The following ITPR3 variants were observed in gnomAD, a reference collection of about 807,000 sequenced individuals.
ITPR3 encodes inositol 1,4,5-trisphosphate-gated calcium channel ITPR3.
ITPR3 carries 173 observed loss-of-function variants against 293.2 expected under a neutral mutation model. That is an observed-to-expected ratio of 0.59 (90% CI 0.52 to 0.67). The LOEUF is 0.67. Among genes scored for constraint, ITPR3 ranks in the 30% least tolerant of loss-of-function variants. The probability of loss-of-function intolerance (pLI) is 0.00; values close to 1 mark genes in which losing one functional copy is unlikely to be tolerated. For synonymous variants in ITPR3, 1,295 were observed against 1,444.4 expected (o/e 0.90, Z 2.35); for missense variants, 2,796 against 3,592.1 (o/e 0.78, Z 5.66).
At chr6:33,677,405 C>A in intron 27 of ITPR3, 99 bp from the exon 28 acceptor site, 1 of 1,540,652 alleles carries the variant, frequency 6.5e-7, no homozygotes, top group Non-Finnish European at 8.8e-7. Context: ...CTTCCCCCTT[C>A]CTGTCCCGGG....
At chr6:33,652,201 G>A (rs1348195732) in intron 2 of ITPR3, among the ~76,000 whole-genome samples, 1 of 152,108 alleles carries the variant, frequency 6.6e-6, no homozygotes, top group Non-Finnish European at 1.5e-5. Context: ...CCCACCTCCT[G>A]CTCTTTCCTC....
At position 33,685,419 on chromosome 6, in the gene ITPR3, C is replaced by T; in HGVS notation, c.5368C>T (p.His1790Tyr). The change falls in exon 40 of 58, where the codon CAC becomes TAC. Residue 1790 changes from histidine to tyrosine, a missense_variant. Physicochemically the swap from His to Tyr is moderately conservative, Grantham distance 83. Transcript: ENST00000605930. ...GTCAGAGCGCTTCTTCAAGGTGCTGCACGACCGCATGAAGCGGGCCCAGCA... is the reference window on the plus strand; with the variant it reads ...GTCAGAGCGCTTCTTCAAGGTGCTGTACGACCGCATGAAGCGGGCCCAGCA... Reference protein sequence around the residue: ...KKSERFFKVLHDRMKRAQQET... With the variant: ...KKSERFFKVLYDRMKRAQQET... 4.3e-6 allele frequency: 7 copies of T among 1,614,160 alleles called. No homozygotes were observed. Among genetic ancestry groups the T allele is most frequent in the Non-Finnish European group, 5.9e-6 (7 of 1,180,012 alleles).
Position 33,667,257 on chromosome 6 carries a change from G to T in ITPR3, c.1680G>T (p.Leu560Phe). The T allele has an allele frequency of 6.2e-7, 1 of 1,613,246 alleles. No homozygotes were observed. The highest frequency in any genetic ancestry group is 8.5e-7 in the Non-Finnish European group (1 of 1,179,940). The change falls in exon 15 of 58, where the codon TTG (leucine) becomes TTT (phenylalanine). Residue 560 changes from leucine (L) to phenylalanine (F), a missense_variant. This residue lies in a region of ITPR3 where 955 missense variants were observed against 1,180.8 expected (regional missense o/e 0.81). Transcript: ENST00000605930. The surrounding 1 kb of genome is among the most constrained non-coding windows in gnomAD (Gnocchi z 4.4). ...TGTTCCGCCTGTGCTACCGCGTGTT[G>T]CGGCATTCCCAGGAGGACTACCGCA... ...QHMFRLCYRVLRHSQEDYRKN... is the reference protein window; with the variant it reads ...QHMFRLCYRVFRHSQEDYRKN...
Position 33,686,467 on chromosome 6 carries a change from A to G in ITPR3, c.5927A>G (p.Asn1976Ser). The change falls in exon 43 of 58, where the codon AAT becomes AGT. Residue 1976 changes from asparagine to serine, a missense_variant. Physicochemically the swap from Asn to Ser is conservative, Grantham distance 46. Coordinates refer to ENST00000605930, the MANE Select transcript of ITPR3 (RefSeq NM_002224.4). ...GIDIITALIL[N>S]DISPLCKYRM... The stretch of plus-strand genomic sequence containing the variant: ...GACATCATCACCGCACTGATCCTCA[A>G]TGACATCAGCCCCCTGTGCAAGTAC... 6 of 1,614,204 alleles carry G rather than the reference A, an allele frequency of 3.7e-6. No homozygotes were observed. Among genetic ancestry groups the G allele is most frequent in the Non-Finnish European group, 5.1e-6 (6 of 1,180,030 alleles).
chr6:33,658,922 T>C lies in ITPR3; in HGVS notation c.528+94T>C. 6.2e-7 allele frequency: 1 copy of C among 1,600,014 alleles called. No individual in the cohort carries two copies. The highest frequency in any genetic ancestry group is 8.5e-7 in the Non-Finnish European group (1 of 1,169,662). On this transcript the variant is annotated intron_variant, in intron 5 of 57. Transcript: ENST00000605930. The surrounding 1 kb of genome is among the most constrained non-coding windows in gnomAD (Gnocchi z 6.1). Reference sequence around the variant, plus strand: ...TGGGGACTGGATAAGGGCATGCCCATTTCTTAGAAGGGCAGACTGAGACCA... The same window carrying C: ...TGGGGACTGGATAAGGGCATGCCCACTTCTTAGAAGGGCAGACTGAGACCA...
chr6:33,637,041 A>T (rs1445471386), intron 1 of ITPR3, among the ~76,000 whole-genome samples: 2 of 152,178 alleles, frequency 1.3e-5, no homozygotes, highest in Admixed American at 6.5e-5. Context: ...GCAAAATGGA[A>T]ATAACAAAGT....
At chr6:33,668,953 C>G (rs977357494) in intron 17 of ITPR3, 21 bp from the exon 18 acceptor site, 7 of 1,610,542 alleles carry the variant, frequency 4.3e-6, no homozygotes, top group Non-Finnish European at 5.9e-6. Context: ...CTCCCTGTGA[C>G]AGGTTGCTGG....
At position 33,682,647 on chromosome 6, in the gene ITPR3, G is replaced by A; in HGVS notation, c.4597+3G>A. On this transcript the variant is annotated splice_donor_region_variant and intron_variant, in intron 34 of 57. Coordinates refer to ENST00000605930, the MANE Select transcript of ITPR3 (RefSeq NM_002224.4). The surrounding 1 kb of genome is among the most constrained non-coding windows in gnomAD (Gnocchi z 5.4). Reference sequence around the variant, plus strand: ...CATCCGGACCCTCGCCATGGTGGGTGAGTGTGCCGGGGCACTGGCCAGCCC... The same window carrying A: ...CATCCGGACCCTCGCCATGGTGGGTAAGTGTGCCGGGGCACTGGCCAGCCC... 5 of 1,593,908 alleles carry A rather than the reference G, an allele frequency of 3.1e-6. No individual in the cohort carries two copies. The highest frequency in any genetic ancestry group is 1.1e-5 in the South Asian group (1 of 88,226).
chr6:33,629,080 A>T (rs929875011), intron 1 of ITPR3, among the ~76,000 whole-genome samples: 3 of 152,232 alleles, frequency 2.0e-5, no homozygotes, highest in African/African-American at 7.2e-5. Flanking sequence ...TCACAGCCTG[A>T]GGCATAAATA....
At chr6:33,653,875 G>C (rs1764247867) in intron 2 of ITPR3, among the ~76,000 whole-genome samples, 1 of 152,174 alleles carries the variant, frequency 6.6e-6, no homozygotes, top group Non-Finnish European at 1.5e-5. Flanking sequence ...AAGGCACTGA[G>C]ATCCACAAAA....
rs1763744439 is a variant in ITPR3, at chr6:33,633,782, G to T, written c.90-6702G>T. ...GGCGGGGCCGGGGCCGGGGCCGGACGCCCGGAGCTCGCGGGCCGGGCCAGG... is the reference window on the plus strand; with the variant it reads ...GGCGGGGCCGGGGCCGGGGCCGGACTCCCGGAGCTCGCGGGCCGGGCCAGG... On this transcript the variant is annotated intron_variant, in intron 1 of 57. Transcript: ENST00000605930. This position sits in a 1 kb window ranked among gnomAD's most constrained non-coding sequence, Gnocchi z 5.2. Among the ~76,000 whole-genome samples the T allele has an allele frequency of 7.3e-6, 1 of 137,058 alleles. No individual in the cohort carries two copies. The highest frequency in any genetic ancestry group is 7.2e-5 in the Admixed American group (1 of 13,888). 89.9% of individuals were successfully genotyped at this position (137,058 alleles called of 152,430 possible). A position where few individuals can be genotyped will look rare whatever the true frequency, so the allele number is the denominator to read the frequency against.
Position 33,672,267 on chromosome 6 carries a change from G to A in ITPR3, c.2928+39G>A. On this transcript the variant is annotated intron_variant, in intron 22 of 57. Coordinates refer to ENST00000605930, the MANE Select transcript of ITPR3 (RefSeq NM_002224.4). The surrounding 1 kb of genome is among the most constrained non-coding windows in gnomAD (Gnocchi z 5.0). ...GACCGTGTGGGAGGTGTTGGGTATA[G>A]GGGGAGGGTAATGGGGCGGGTACAG... is the stretch of plus-strand genomic sequence containing the variant. 6.4e-7 allele frequency: 1 copy of A among 1,573,622 alleles called. No individual in the cohort carries two copies. The highest frequency in any genetic ancestry group is 1.3e-5 in the African/African-American group (1 of 74,184).
intron 7 of ITPR3, among the ~76,000 whole-genome samples, chr6:33,662,234 G>T (rs1199322425): frequency 6.6e-6 from 1 of 152,060 alleles, no homozygotes; most frequent in African/African-American, 2.4e-5. Context: ...TAGAGGTTAG[G>T]CAGGGTGTCT....
Position 33,689,374 on chromosome 6 carries a change from C to G in ITPR3, c.6831C>G (p.Gly2277=). 6.2e-7 allele frequency: 1 copy of G among 1,611,468 alleles called. No homozygotes were observed. The highest frequency in any genetic ancestry group is 8.5e-7 in the Non-Finnish European group (1 of 1,180,016). The change falls in exon 50 of 58, where the codon GGC becomes GGG. Residue 2277 remains glycine, a synonymous_variant. Transcript: ENST00000605930. ...ALILRSIYYL[G]IGPTLNILGA... ...TCCTGCGCTCCATCTACTATCTGGG[C>G]ATCGGGCCCACACTCAACATCCTGG...
At chr6:33,668,390 G>A in intron 16 of ITPR3, 125 bp from the exon 17 acceptor site, 1 of 1,312,140 alleles carries the variant, frequency 7.6e-7, no homozygotes, top group Non-Finnish European at 1.0e-6. Context: ...CCATCTCTAA[G>A]CCTTGGGAGG....
chr6:33,670,430 A>G lies in ITPR3; in HGVS notation c.2295A>G (p.Ala765=), dbSNP rs777161227. The change falls in exon 19 of 58, where the codon GCA becomes GCG. Residue 765 remains alanine, a synonymous_variant. Transcript: ENST00000605930. This position sits in a 1 kb window ranked among gnomAD's most constrained non-coding sequence, Gnocchi z 6.7. ...LGVDLIFLCM[A]DEMLPFDLRA... ...TGGACCTGATTTTCCTGTGCATGGC[A>G]GACGAGATGCTGCCCTTTGACCTGC... The G allele has an allele frequency of 6.2e-6, 10 of 1,614,106 alleles. No homozygotes were observed. Among genetic ancestry groups the G allele is most frequent in the Non-Finnish European group, 8.5e-6 (10 of 1,180,040 alleles).
chr6:33,647,758 TC>T (rs950321435), intron 2 of ITPR3, among the ~76,000 whole-genome samples: 4 of 152,188 alleles, frequency 2.6e-5, no homozygotes, highest in African/African-American at 9.7e-5. Context: ...GTTTCAGCAG[TC>T]CCCCTGATGG....
At position 33,684,564 on chromosome 6, in the gene ITPR3, C is replaced by T. The variant is rs748295178; in HGVS notation, c.5047-34C>T. The T allele has an allele frequency of 1.2e-6, 2 of 1,609,932 alleles. No homozygotes were observed. The highest frequency in any genetic ancestry group is 2.7e-5 in the African/African-American group (2 of 74,818). On this transcript the variant is annotated intron_variant, in intron 37 of 57. Transcript: ENST00000605930. This position sits in a 1 kb window ranked among gnomAD's most constrained non-coding sequence, Gnocchi z 4.2. ...GGCCAGTGGTCAGTGGTGGGCTGTA[C>T]CCACAATGGGGCCTCACTCCCATCC...
At chr6:33,650,525 G>A (rs1230157210) in intron 2 of ITPR3, among the ~76,000 whole-genome samples, 4 of 152,210 alleles carry the variant, frequency 2.6e-5, no homozygotes, top group Admixed American at 2.0e-4. Flanking sequence ...GCTCTGACCC[G>A]CTAGTGGGCT....
Sources: gnomAD v4.1 joint callset for allele counts (sites outside exome capture counted in the v4.1 genomes callset) on GRCh38, gnomAD v4.1.1 for gene constraint, gnomAD v4.1.1 regional missense constraint, Gnocchi (gnomAD v3.1) non-coding constraint, MANE v1.5 for transcripts, NCBI Gene and HGNC (gene_info 2026-07-23, HGNC 2026-07-21) for gene names.